Variants in ARSJ observed in about 807,000 individuals in gnomAD.
The protein encoded by ARSJ is arylsulfatase J.
A neutral mutation model predicts 35.9 loss-of-function variants in ARSJ; 26 were observed. That is an observed-to-expected ratio of 0.72 (90% confidence interval 0.53 to 1.00). ARSJ has a LOEUF of 1.00. Among genes scored for constraint, ARSJ ranks in the 50% least tolerant of loss-of-function variants. ARSJ has a pLI of 0.00. For missense variants in ARSJ, 667 were observed against 723.6 expected (o/e 0.92, Z 0.90); for synonymous variants, 294 against 267.6 (o/e 1.10, Z -0.96).
chr4:113,901,834 C>T lies in ARSJ; in HGVS notation c.*440G>A. 1 of 189,088 alleles carries T rather than the reference C, an allele frequency of 5.3e-6. No individual in the cohort carries two copies. The highest frequency in any genetic ancestry group is 1.1e-4 in the South Asian group (1 of 9,104). 11.7% of individuals were successfully genotyped at this position (189,088 alleles called of 1,614,324 possible). ...GACACAATCTTTGACTGTAATTTAT[C>T]AAAGGTAGTTTTAATCATGCTACCC... On this transcript the variant is annotated 3_prime_UTR_variant, in exon 2 of 2. Transcript: ENST00000315366.
chr4:113,955,435 A>AG (rs1726117194), intron 1 of ARSJ, among the ~76,000 whole-genome samples: 1 of 151,912 alleles, frequency 6.6e-6, no homozygotes, highest in South Asian at 2.1e-4. Flanking sequence ...CAGGATATTT[A>AG]GGAAAAAAAA....
intron 1 of ARSJ, among the ~76,000 whole-genome samples, chr4:113,908,835 A>T (rs1181688622): frequency 6.6e-6 from 1 of 152,212 alleles, no homozygotes; most frequent in Non-Finnish European, 1.5e-5. Flanking sequence ...TTGCATCCCA[A>T]TGAATCATCT....
chr4:113,965,357 G>A (rs1365008779), intron 1 of ARSJ, among the ~76,000 whole-genome samples: 3 of 152,060 alleles, frequency 2.0e-5, no homozygotes, highest in East Asian at 3.9e-4. Flanking sequence ...TCTAAAGAAA[G>A]CTGTGCAGGG....
intron 1 of ARSJ, among the ~76,000 whole-genome samples, chr4:113,924,102 T>TA (rs1723896300): frequency 1.5e-5 from 2 of 129,238 alleles, no homozygotes; most frequent in South Asian, 2.3e-4. Context: ...TATATATATA[T>TA]ATATATATAT....
intron 1 of ARSJ, 72 bp downstream of exon 1, chr4:113,978,365 A>G: frequency 7.1e-7 from 1 of 1,407,128 alleles, no homozygotes; most frequent in Admixed American, 2.2e-5. Flanking sequence ...ACTCCCTTAA[A>G]TTTGGAGCTG....
At chr4:113,948,065 T>G (rs559113609) in intron 1 of ARSJ, among the ~76,000 whole-genome samples, 9 of 152,168 alleles carry the variant, frequency 5.9e-5, no homozygotes, top group African/African-American at 1.9e-4. Context: ...GGTGCACACA[T>G]GTAGTTCCAG....
At chr4:113,966,614 G>T (rs1305042527) in intron 1 of ARSJ, among the ~76,000 whole-genome samples, 1 of 152,152 alleles carries the variant, frequency 6.6e-6, no homozygotes, top group African/African-American at 2.4e-5. Context: ...AGCAGTTTGA[G>T]GAGATGAGAA....
chr4:113,911,991 C>A (rs1208821167), intron 1 of ARSJ, among the ~76,000 whole-genome samples: 1 of 151,990 alleles, frequency 6.6e-6, no homozygotes, highest in Non-Finnish European at 1.5e-5. Context: ...AATTAGATCA[C>A]CATAAGGTTT....
chr4:113,931,711 G>T (rs1324864866), intron 1 of ARSJ, among the ~76,000 whole-genome samples: 3 of 151,936 alleles, frequency 2.0e-5, no homozygotes, highest in South Asian at 4.2e-4. Flanking sequence ...CAAGAAAAAA[G>T]TAATAATTGC....
At position 113,902,426 on chromosome 4, in the gene ARSJ, C is replaced by A. The variant is rs1411508469; in HGVS notation, c.1648G>T (p.Val550Phe). The change falls in exon 2 of 2, where the codon GTC becomes TTC. Residue 550 changes from valine (V) to phenylalanine (F), a missense_variant. By Grantham distance (50) the Val-to-Phe change is conservative (BLOSUM62 -1). Transcript: ENST00000315366. ...PRSNPRLNGG[V>F]WGPWYKEETK... ...TCCTCTTTATACCATGGTCCCCAGA[C>A]CCCTCCATTGAGCCTAGGGTTACTT... is the stretch of plus-strand genomic sequence containing the variant. 1.9e-6 allele frequency: 3 copies of A among 1,613,908 alleles called. No individual in the cohort carries two copies. Among genetic ancestry groups the A allele is most frequent in the Non-Finnish European group, 2.5e-6 (3 of 1,180,014 alleles).
intron 1 of ARSJ, among the ~76,000 whole-genome samples, chr4:113,925,165 T>C (rs906325643): frequency 2.0e-5 from 3 of 152,144 alleles, no homozygotes; most frequent in Non-Finnish European, 2.9e-5. Context: ...ACTCCCTTCT[T>C]AGCCTGTTGA....
intron 1 of ARSJ, among the ~76,000 whole-genome samples, chr4:113,967,501 T>G (rs954553770): frequency 1.3e-5 from 2 of 152,120 alleles, no homozygotes; most frequent in African/African-American, 4.8e-5. Flanking sequence ...TCTTTTAAGT[T>G]CCTACTACTC....
At chr4:113,946,590 C>T (rs926372265) in intron 1 of ARSJ, among the ~76,000 whole-genome samples, 34 of 151,266 alleles carry the variant, frequency 2.2e-4, no homozygotes, top group African/African-American at 7.5e-4. Flanking sequence ...CACACACACA[C>T]ACACGTCAGT....
At chr4:113,904,850 T>C (rs2099668261) in intron 1 of ARSJ, among the ~76,000 whole-genome samples, 1 of 152,218 alleles carries the variant, frequency 6.6e-6, no homozygotes, top group Non-Finnish European at 1.5e-5. Context: ...CACAATACAT[T>C]ATTGTTTAAA....
chr4:113,938,524 C>T (rs188527000), intron 1 of ARSJ, among the ~76,000 whole-genome samples: 3 of 151,874 alleles, frequency 2.0e-5, no homozygotes. Flanking sequence ...GCAACAAAAG[C>T]AAAAATTGAC....
intron 1 of ARSJ, among the ~76,000 whole-genome samples, chr4:113,962,098 T>G (rs886522241): frequency 6.6e-6 from 1 of 152,020 alleles, no homozygotes; most frequent in African/African-American, 2.4e-5. Context: ...CATGCAGAGT[T>G]TTGGCTACAA....
intron 1 of ARSJ, among the ~76,000 whole-genome samples, chr4:113,963,609 T>C (rs2149282021): frequency 6.6e-6 from 1 of 152,064 alleles, no homozygotes; most frequent in African/African-American, 2.4e-5. Context: ...GAGATTTGGG[T>C]AGGAACAAAG....
At position 113,978,515 on chromosome 4, in the gene ARSJ, G is replaced by C; in HGVS notation, c.320C>G (p.Ala107Gly). Reference protein sequence around the residue: ...EIKTPTLDKLAAEGVKLENYY... With the variant: ...EIKTPTLDKLGAEGVKLENYY... The stretch of plus-strand genomic sequence containing the variant: ...GTTCTCCAGTTTAACTCCTTCGGCA[G>C]CGAGCTTGTCAAGAGTAGGTGTTTT... Residue 107 changes from alanine (A) to glycine (G), a missense_variant, in exon 1 of 2, where the codon GCT becomes GGT. By Grantham distance (60) the Ala-to-Gly change is moderately conservative (BLOSUM62 0). Transcript: ENST00000315366. 6.2e-7 allele frequency: 1 copy of C among 1,614,176 alleles called. No individual in the cohort carries two copies. Among genetic ancestry groups the C allele is most frequent in the East Asian group, 2.2e-5 (1 of 44,890 alleles).
At chr4:113,948,630 A>G (rs1239693382) in intron 1 of ARSJ, among the ~76,000 whole-genome samples, 1 of 152,070 alleles carries the variant, frequency 6.6e-6, no homozygotes, top group Non-Finnish European at 1.5e-5. Flanking sequence ...GTCATTTATT[A>G]TGCTTCACTG....
Sources: allele counts gnomAD v4.1 joint callset (sites outside exome capture counted in the v4.1 genomes callset), GRCh38; gene constraint gnomAD v4.1.1; transcripts MANE v1.5; gene names NCBI Gene and HGNC (gene_info 2026-07-23, HGNC 2026-07-21).